Variants in TRAIP observed in about 807,000 individuals in gnomAD.
TRAIP encodes E3 ubiquitin-protein ligase TRAIP.
Under a neutral mutation model 65.0 loss-of-function variants are expected in TRAIP, and 37 were observed. That is an observed-to-expected ratio of 0.57 (90% CI 0.44 to 0.75). TRAIP has a LOEUF of 0.75. TRAIP is among the 30% of genes least tolerant of loss of function. The probability of loss-of-function intolerance (pLI) is 0.00; values close to 1 mark genes in which losing one functional copy is unlikely to be tolerated. For missense variants in TRAIP, 481 were observed against 579.4 expected, an observed-to-expected ratio of 0.83 and a Z score of 1.74; for synonymous variants, 187 against 219.1, an observed-to-expected ratio of 0.85 and a Z score of 1.29.
chr3:49,839,994 G>T, intron 9 of TRAIP, 134 bp from the exon 10 acceptor site: 1 of 890,138 alleles, frequency 1.1e-6, no homozygotes, highest in South Asian at 1.5e-5. Context: ...CTCATCATTA[G>T]GCTCAGGAGG....
chr3:49,829,567 A>G, intron 13 of TRAIP, 50 bp downstream of exon 13: 1 of 1,614,044 alleles, frequency 6.2e-7, no homozygotes, highest in East Asian at 2.2e-5. Flanking sequence ...CTGGCCACCC[A>G]TTTCTACCCA....
Position 49,853,892 on chromosome 3 carries a change from G to C in TRAIP, c.98+2464C>G, listed in dbSNP as rs910087486. On this transcript the variant is annotated intron_variant, in intron 1 of 14. Coordinates refer to ENST00000331456, the MANE Select transcript of TRAIP (RefSeq NM_005879.3). ...CAGACTTTGAATTAAAGTTACAAGA[G>C]ACAAAGAAGGACAAAGAAGAACATT... Among the ~76,000 whole-genome samples the C allele has an allele frequency of 2.7e-5, 4 of 150,018 alleles. No individual in the cohort carries two copies. In the Admixed American group the frequency reaches 2.7e-4, roughly 10 times the overall value.
rs539868291 is a variant in TRAIP at position 49,847,273 on chromosome 3, T to TA, written c.240+251dup. 1.5e-4 allele frequency among the ~76,000 whole-genome samples: 22 copies of TA among 151,634 alleles called. No homozygotes were observed. The East Asian group carries it at 4.2e-3, about 29-fold the overall frequency. On this transcript the variant is annotated intron_variant, in intron 3 of 14. Transcript: ENST00000331456. ...GGTGCACCCCTACAGTCCTAGCTACTAGGTAGGCTGAGGTGGGGAGATCCC... is the reference window on the plus strand; with the variant it reads ...GGTGCACCCCTACAGTCCTAGCTACTAAGGTAGGCTGAGGTGGGGAGATCCC...
Position 49,840,306 on chromosome 3 carries a change from T to C in TRAIP, c.773A>G (p.Gln258Arg). 1 of 1,614,174 alleles carries C rather than the reference T, an allele frequency of 6.2e-7. No homozygotes were observed. The highest frequency in any genetic ancestry group is 8.5e-7 in the Non-Finnish European group (1 of 1,179,978). Residue 258 changes from glutamine (Q) to arginine (R), a missense_variant, in exon 9 of 15, where the codon CAG becomes CGG. Coordinates refer to ENST00000331456, the MANE Select transcript of TRAIP (RefSeq NM_005879.3). The part of the protein sequence containing the change: ...LELKSAQKDL[Q>R]SADKEIMSLK... Reference sequence around the variant, plus strand: ...CACCATGATTTCCTTGTCAGCACTCTGTAAGTCCTTCTGGGCTGACTTCAG... The same window carrying C: ...CACCATGATTTCCTTGTCAGCACTCCGTAAGTCCTTCTGGGCTGACTTCAG...
chr3:49,845,640 A>T lies in TRAIP; in HGVS notation c.241-1060T>A, dbSNP rs114523021. Among the ~76,000 whole-genome samples the T allele has an allele frequency of 9.1e-3, 1,382 of 152,326 alleles. 20 individuals carry two copies. The highest frequency in any genetic ancestry group is 0.032 in the African/African-American group (1,326 of 41,566). ...CAAGGGCTGCCTGAGAACAGATACCAGGACATGGCTGCTGCACCACTACCC... is the reference window on the plus strand; with the variant it reads ...CAAGGGCTGCCTGAGAACAGATACCTGGACATGGCTGCTGCACCACTACCC... On this transcript the variant is annotated intron_variant, in intron 3 of 14. Coordinates refer to ENST00000331456, the MANE Select transcript of TRAIP (RefSeq NM_005879.3).
chr3:49,840,834 G>A, intron 8 of TRAIP, 151 bp downstream of exon 8: 2 of 734,372 alleles, frequency 2.7e-6, no homozygotes, highest in East Asian at 4.9e-5. Flanking sequence ...CCAATGCCCA[G>A]TAAGGACTGG....
At chr3:49,854,547 A>G (rs1415838650) in intron 1 of TRAIP, among the ~76,000 whole-genome samples, 1 of 152,192 alleles carries the variant, frequency 6.6e-6, no homozygotes, top group Non-Finnish European at 1.5e-5. Context: ...GACCCAACTA[A>G]CTGAGGGAAA....
In TRAIP at chr3:49,831,984, AT is replaced by A; in HGVS notation, c.968del (p.Asp323ValfsTer20). On this transcript the variant is annotated frameshift_variant, in exon 11 of 15. Coordinates refer to ENST00000331456, the MANE Select transcript of TRAIP (RefSeq NM_005879.3). LOFTEE classifies it high-confidence loss of function. ...AGCTGGAGGGCCGGGCTGGGGGAGT[AT>A]CCACATCAAAGGTAGCATTGAGATC... ...DIDLNATFDV[D>X]TPPARPSSSQ... The A allele has an allele frequency of 1.2e-6, 2 of 1,608,228 alleles. No homozygotes were observed. The highest frequency in any genetic ancestry group is 1.7e-6 in the Non-Finnish European group (2 of 1,177,384).
intron 1 of TRAIP, among the ~76,000 whole-genome samples, chr3:49,853,121 CAAA>C (rs749868575): frequency 3.3e-5 from 3 of 91,898 alleles, no homozygotes; most frequent in Admixed American, 1.2e-4. Flanking sequence ...GACTCTGTCT[CAAA>C]AAAAAAAAAA....
chr3:49,835,696 T>C (rs2081779490), intron 10 of TRAIP, among the ~76,000 whole-genome samples: 1 of 152,002 alleles, frequency 6.6e-6, no homozygotes, highest in African/African-American at 2.4e-5. Context: ...TCCCAGCACT[T>C]TGGGAGGCCG....
intron 1 of TRAIP, among the ~76,000 whole-genome samples, chr3:49,852,527 A>G (rs1024829439): frequency 8.0e-5 from 12 of 150,916 alleles, no homozygotes; most frequent in East Asian, 4.0e-4. Flanking sequence ...AGGCCGAGGC[A>G]GGCAGATCAT....
chr3:49,842,647 G>A, intron 5 of TRAIP, 100 bp from the exon 6 acceptor site: 1 of 1,149,360 alleles, frequency 8.7e-7, no homozygotes, highest in Admixed American at 1.9e-5. Context: ...TGCAGCTTAT[G>A]TTTTGAAAAT....
At chr3:49,844,412 C>T in intron 4 of TRAIP, 129 bp downstream of exon 4, 6 of 1,005,876 alleles carry the variant, frequency 6.0e-6, no homozygotes, top group Middle Eastern at 3.0e-4. Context: ...GCTAGCAGGA[C>T]TCTTGGACAT....
intron 3 of TRAIP, among the ~76,000 whole-genome samples, chr3:49,846,979 G>A (rs767737803): frequency 1.6e-4 from 24 of 151,952 alleles, no homozygotes; most frequent in Admixed American, 7.2e-4. Context: ...TCAGGAGTTC[G>A]AGACCAGCCT....
In TRAIP at chr3:49,831,680, T is replaced by C. The variant is rs1448713114; in HGVS notation, c.1037+236A>G. ...ATCACTGCATTCTCTCTAACTTGCA[T>C]TCCAATACGTTTGCCTTGAAAGGTG... On this transcript the variant is annotated intron_variant, in intron 11 of 14. Transcript: ENST00000331456. Among the ~76,000 whole-genome samples the C allele has an allele frequency of 2.4e-4, 36 of 152,226 alleles. 1 individual carries two copies. Among genetic ancestry groups the C allele is most frequent in the Admixed American group, 2.4e-3 (36 of 15,288 alleles).
rs200431212 is a variant in TRAIP, at chr3:49,856,403, G to A, written c.51C>T (p.Ser17=). ...CTICSDFFDH[S]RDVAAIHCGH... ...CGCAGTGGATGGCGGCCACGTCGCGGGAGTGATCGAAGAAGTCGGAGCAGA... is the reference window on the plus strand; with the variant it reads ...CGCAGTGGATGGCGGCCACGTCGCGAGAGTGATCGAAGAAGTCGGAGCAGA... Residue 17 remains serine (S), a synonymous_variant, in exon 1 of 15, where the codon TCC becomes TCT. Transcript: ENST00000331456. 1.2e-6 allele frequency: 2 copies of A among 1,614,196 alleles called. No homozygotes were observed. The highest frequency in any genetic ancestry group is 2.2e-5 in the East Asian group (1 of 44,890).
intron 4 of TRAIP, 188 bp from the exon 5 acceptor site, chr3:49,844,116 T>A: frequency 1.3e-6 from 1 of 764,660 alleles, no homozygotes; most frequent in Non-Finnish European, 2.0e-6. Context: ...AGAGCCTTCA[T>A]TCAGGGAAAA....
At chr3:49,840,586 G>A (rs1474947157) in intron 8 of TRAIP, 3 of 577,696 alleles carry the variant, frequency 5.2e-6, no homozygotes, top group Non-Finnish European at 9.3e-6. Flanking sequence ...GCAGCCTGTG[G>A]ATGCACCATG....
chr3:49,856,240 G>C, intron 1 of TRAIP, 116 bp downstream of exon 1: 1 of 872,596 alleles, frequency 1.1e-6, no homozygotes, highest in Non-Finnish European at 1.8e-6. Context: ...TCGTCTAGGA[G>C]GAAGGTTCTC....
Sources: allele counts gnomAD v4.1 joint callset (sites outside exome capture counted in the v4.1 genomes callset), GRCh38; gene constraint gnomAD v4.1.1; transcripts MANE v1.5; gene names NCBI Gene and HGNC (gene_info 2026-07-23, HGNC 2026-07-21).